Variants in CDH23 observed in about 807,000 individuals in gnomAD.
CDH23 encodes the protein cadherin related 23.
A neutral mutation model predicts 317.1 loss-of-function variants in CDH23; 189 were observed. The observed-to-expected ratio is 0.60, with a 90% CI of 0.53 to 0.67. The LOEUF is 0.67. Among genes scored for constraint, CDH23 ranks in the 30% least tolerant of loss-of-function variants. The pLI, the probability that CDH23 is intolerant of heterozygous loss-of-function variation, is 0.00. For synonymous variants in CDH23, 1,839 were observed against 1,876.8 expected (o/e 0.98, Z 0.52); for missense variants, 4,401 against 4,592.4 (o/e 0.96, Z 1.20).
intron 38 of CDH23, among the ~76,000 whole-genome samples, chr10:71,753,559 C>T (rs954013712): frequency 6.6e-6 from 1 of 152,196 alleles, no homozygotes; most frequent in African/African-American, 2.4e-5. Flanking sequence ...TTACAAGGTG[C>T]AAGTCCCCGA....
chr10:71,577,608 T>C (rs1858302923), intron 8 of CDH23, among the ~76,000 whole-genome samples: 1 of 152,192 alleles, frequency 6.6e-6, no homozygotes. Flanking sequence ...CCAGATCTCT[T>C]GTCTCTTCGC....
At chr10:71,427,857 C>T (rs1849177260) in intron 1 of CDH23, among the ~76,000 whole-genome samples, 1 of 150,630 alleles carries the variant, frequency 6.6e-6, no homozygotes, top group Admixed American at 6.6e-5. Flanking sequence ...GGACTGCAGG[C>T]GCATGCTGCT....
Position 71,750,572 on chromosome 10 carries a change from G to A in CDH23, c.4845+8651G>A, listed in dbSNP as rs149298009. 1,141 of 152,474 alleles carry A rather than the reference G, an allele frequency of 7.5e-3. 7 individuals are homozygous for A. The highest frequency in any genetic ancestry group is 0.012 in the Non-Finnish European group (838 of 68,122). 9.4% of individuals were successfully genotyped at this position (152,474 alleles called of 1,614,324 possible). On this transcript the variant is annotated intron_variant, in intron 38 of 69. Transcript: ENST00000224721. Reference sequence around the variant, plus strand: ...ATTGCCCAAGACACCATTTGCTCACGGAGGCCACCATGCCCCAATATGTAC... The same window carrying A: ...ATTGCCCAAGACACCATTTGCTCACAGAGGCCACCATGCCCCAATATGTAC...
intron 68 of CDH23, 111 bp downstream of exon 68, chr10:71,813,001 T>A (rs1841994325): frequency 6.6e-7 from 1 of 1,509,290 alleles, no homozygotes; most frequent in Middle Eastern, 2.2e-4. Context: ...CACCCTCCAC[T>A]GGGGCGAGAA....
chr10:71,706,569 G>A (rs1865795313), intron 25 of CDH23, among the ~76,000 whole-genome samples: 1 of 152,244 alleles, frequency 6.6e-6, no homozygotes, highest in African/African-American at 2.4e-5. Context: ...TGTCATGATT[G>A]TCCGTGTTGC....
chr10:71,425,371 A>AGAAGGAGGGAAGGAAGGAAGGAAG (rs1849021847), intron 1 of CDH23, among the ~76,000 whole-genome samples: 1 of 82,418 alleles, frequency 1.2e-5, no homozygotes, highest in Non-Finnish European at 2.5e-5. Flanking sequence ...AAGAGAGAGG[A>AGAAGGAGGGAAGGAAGGAAGGAAG]GAAGGAAGGA....
At chr10:71,540,180 T>C (rs1264000743) in intron 6 of CDH23, among the ~76,000 whole-genome samples, 2 of 152,156 alleles carry the variant, frequency 1.3e-5, no homozygotes, top group African/African-American at 4.8e-5. Flanking sequence ...GGGATGGAGC[T>C]GGAGGGGGCC....
chr10:71,420,512 ATG>A, intron 1 of CDH23, among the ~76,000 whole-genome samples: 1 of 119,776 alleles, frequency 8.3e-6, no homozygotes, highest in Non-Finnish European at 1.8e-5. Flanking sequence ...GGTGATGGTG[ATG>A]ATGGTGAAGG....
intron 17 of CDH23, among the ~76,000 whole-genome samples, chr10:71,682,061 C>G (rs887312824): frequency 2.0e-5 from 3 of 152,130 alleles, no homozygotes; most frequent in Non-Finnish European, 4.4e-5. Flanking sequence ...GACAGACAGA[C>G]AGACAGACAA....
rs964105199 is a variant in CDH23 at position 71,582,279 on chromosome 10, C to T, written c.832+4287C>T. ...CCCACAAGCCCATGTAGCTACTGGG[C>T]ACTTGAAGTGCGGCTAGTCTGAATT... On this transcript the variant is annotated intron_variant, in intron 9 of 69. Transcript: ENST00000224721. 2.6e-5 allele frequency among the ~76,000 whole-genome samples: 4 copies of T among 152,154 alleles called. No homozygotes were observed. In the East Asian group the frequency reaches 7.7e-4, roughly 29 times the overall value.
chr10:71,603,540 G>A (rs1860351941), intron 9 of CDH23, among the ~76,000 whole-genome samples: 1 of 152,214 alleles, frequency 6.6e-6, no homozygotes, highest in African/African-American at 2.4e-5. Context: ...AGAGACCCCA[G>A]TTGAAGGGAA....
intron 6 of CDH23, among the ~76,000 whole-genome samples, chr10:71,564,395 T>C (rs935034990): frequency 6.6e-6 from 1 of 152,244 alleles, no homozygotes; most frequent in Non-Finnish European, 1.5e-5. Flanking sequence ...AGTATATGAA[T>C]GGCTCCTTGC....
chr10:71,754,942 T>C (rs1048878605), intron 38 of CDH23: 2 of 393,532 alleles, frequency 5.1e-6, no homozygotes, highest in African/African-American at 4.1e-5. Context: ...TAAGACCCCT[T>C]CCACTTCTGA....
At position 71,536,550 on chromosome 10, in the gene CDH23, G is replaced by A. The variant is rs77812718; in HGVS notation, c.429+25338G>A. 3.7e-4 allele frequency among the ~76,000 whole-genome samples: 56 copies of A among 152,326 alleles called. No individual in the cohort carries two copies. The East Asian group carries it at 0.011, about 29-fold the overall frequency. ...TGGGAGGAGGACGATCACGAAAACA[G>A]GAAATGAGTGGACAAGGCTGCTGGG... On this transcript the variant is annotated intron_variant, in intron 6 of 69. Coordinates refer to ENST00000224721, the MANE Select transcript of CDH23 (RefSeq NM_022124.6).
rs759026380 is a variant in CDH23, at chr10:71,690,553, C to G, written c.2145C>G (p.Gly715=). Residue 715 remains glycine, a synonymous_variant, in exon 20 of 70, where the codon GGC becomes GGG. Coordinates refer to ENST00000224721, the MANE Select transcript of CDH23 (RefSeq NM_022124.6). The stretch of plus-strand genomic sequence containing the variant: ...AGTCCATCATCTACTCCTTGGAAGG[C>G]TCCACCCAGTTTCGGATCAATGCCC... ...GQESIIYSLE[G]STQFRINARS... 6.2e-7 allele frequency: 1 copy of G among 1,608,184 alleles called. No individual in the cohort carries two copies. Among genetic ancestry groups the G allele is most frequent in the South Asian group, 1.1e-5 (1 of 89,320 alleles).
chr10:71,566,037 A>T (rs1229972878), intron 6 of CDH23, among the ~76,000 whole-genome samples: 1 of 152,204 alleles, frequency 6.6e-6, no homozygotes, highest in Non-Finnish European at 1.5e-5. Context: ...CCATGCCTCC[A>T]GGAAATAAAA....
At chr10:71,776,548 G>T (rs1030811196) in intron 38 of CDH23, among the ~76,000 whole-genome samples, 1 of 152,176 alleles carries the variant, frequency 6.6e-6, no homozygotes, top group Non-Finnish European at 1.5e-5. Flanking sequence ...CACTCAGAAA[G>T]GGTTCAACTG....
At chr10:71,651,766 A>T (rs996786286) in intron 14 of CDH23, among the ~76,000 whole-genome samples, 1 of 152,064 alleles carries the variant, frequency 6.6e-6, no homozygotes, top group Non-Finnish European at 1.5e-5. Context: ...ATATCAAACC[A>T]TCCATACCCC....
At chr10:71,479,489 G>A (rs1416305612) in intron 3 of CDH23, among the ~76,000 whole-genome samples, 1 of 152,232 alleles carries the variant, frequency 6.6e-6, no homozygotes, top group East Asian at 1.9e-4. Context: ...GCAAGGGGCA[G>A]AGTGGATTTG....
Sources: allele counts gnomAD v4.1 joint callset (sites outside exome capture counted in the v4.1 genomes callset), GRCh38; gene constraint gnomAD v4.1.1; transcripts MANE v1.5; gene names NCBI Gene and HGNC (gene_info 2026-07-23, HGNC 2026-07-21).